The following PKD1L1 variants were observed in gnomAD, a reference collection of about 807,000 sequenced individuals.
The protein encoded by PKD1L1 is polycystin 1 like 1, transient receptor potential channel interacting.
Under a neutral mutation model 323.4 loss-of-function variants are expected in PKD1L1, and 236 were observed. The observed-to-expected ratio is 0.73, with a 90% CI of 0.66 to 0.81. PKD1L1 has a LOEUF of 0.81. PKD1L1 is among the 40% of genes least tolerant of loss of function. The probability of loss-of-function intolerance (pLI) is 0.00; values close to 1 mark genes in which losing one functional copy is unlikely to be tolerated. For missense variants in PKD1L1, 3,320 were observed against 3,508.0 expected (o/e 0.95, Z 1.35); for synonymous variants, 1,344 against 1,335.0 (o/e 1.01, Z -0.15).
Position 47,905,242 on chromosome 7 carries a change from G to A in PKD1L1, c.1606C>T (p.Leu536=), listed in dbSNP as rs765195623. 5.6e-6 allele frequency: 9 copies of A among 1,614,074 alleles called. No individual in the cohort carries two copies. The highest frequency in any genetic ancestry group is 2.7e-5 in the African/African-American group (2 of 75,012). Residue 536 remains leucine (L), a synonymous_variant, in exon 11 of 57, where the codon CTG becomes TTG. Coordinates refer to ENST00000289672, the MANE Select transcript of PKD1L1 (RefSeq NM_138295.5). ...FTAVTKETIP[L]EFEWYFGEDP... ...TCTCCAAAATACCACTCAAATTCCA[G>A]GGGTATTGTTTCCTTGGTAACAGCT...
intron 45 of PKD1L1, among the ~76,000 whole-genome samples, chr7:47,824,685 C>T (rs1785208259): frequency 1.3e-5 from 2 of 152,142 alleles, no homozygotes; most frequent in Admixed American, 1.3e-4. Context: ...ATATTCTTGT[C>T]CCCTTTCATT....
intron 53 of PKD1L1, 122 bp downstream of exon 53, chr7:47,803,087 AG>A: frequency 1.6e-6 from 2 of 1,215,024 alleles, no homozygotes; most frequent in South Asian, 2.9e-5. Context: ...AGGGATTAGA[AG>A]ACTGGAATTC....
At chr7:47,892,453 G>GA (rs1294139539) in intron 15 of PKD1L1, among the ~76,000 whole-genome samples, 1 of 152,184 alleles carries the variant, frequency 6.6e-6, no homozygotes, top group East Asian at 1.9e-4. Flanking sequence ...CTGGCACTGT[G>GA]AGGACGTTGG....
At position 47,831,364 on chromosome 7, in the gene PKD1L1, T is replaced by C. The variant is rs1237591079; in HGVS notation, c.6338-12A>G. The C allele has an allele frequency of 1.4e-5, 22 of 1,606,306 alleles. No homozygotes were observed. The highest frequency in any genetic ancestry group is 1.4e-5 in the Non-Finnish European group (16 of 1,177,126). ...ACCACTGCTGGGTGCTGCGGAAGAG[T>C]AGGACAGAGACAAGGCAGCTTAAGA... On this transcript the variant is annotated splice_polypyrimidine_tract_variant and intron_variant, in intron 41 of 56. Transcript: ENST00000289672.
chr7:47,949,093 G>C (rs1258868961), upstream of PKD1L1, among the ~76,000 whole-genome samples: 1 of 151,974 alleles, frequency 6.6e-6, no homozygotes, highest in African/African-American at 2.4e-5. Context: ...ACTGTTGGCT[G>C]GGCGCGGTGG....
At chr7:47,955,065 C>T in the PKD1L1 span, among the ~76,000 whole-genome samples, 1 of 152,166 alleles carries the variant, frequency 6.6e-6, no homozygotes, top group African/African-American at 2.4e-5. Context: ...ATCTTTTAGC[C>T]TACAACTTAA....
chr7:47,818,916 G>T (rs1013123350), intron 46 of PKD1L1, among the ~76,000 whole-genome samples: 3 of 152,116 alleles, frequency 2.0e-5, no homozygotes, highest in African/African-American at 7.2e-5. Flanking sequence ...TGACTACTCA[G>T]TAGTCCAGTT....
intron 9 of PKD1L1, among the ~76,000 whole-genome samples, chr7:47,906,525 C>T (rs886079241): frequency 6.6e-6 from 1 of 152,066 alleles, no homozygotes; most frequent in Non-Finnish European, 1.5e-5. Flanking sequence ...CTATGACATA[C>T]CACACATGCA....
chr7:47,815,753 C>G (rs1785002868), intron 46 of PKD1L1, among the ~76,000 whole-genome samples: 2 of 152,098 alleles, frequency 1.3e-5, no homozygotes, highest in African/African-American at 4.8e-5. Context: ...CTTCTAGGCA[C>G]TGGGAAACAG....
At chr7:47,960,455 A>AT in the PKD1L1 span, among the ~76,000 whole-genome samples, 3 of 143,958 alleles carry the variant, frequency 2.1e-5, no homozygotes, top group African/African-American at 7.5e-5. Context: ...TAAAGTGATT[A>AT]TTTTTTACAA....
intron 26 of PKD1L1, among the ~76,000 whole-genome samples, chr7:47,861,623 C>G (rs1324273205): frequency 1.3e-5 from 2 of 152,182 alleles, no homozygotes; most frequent in Non-Finnish European, 2.9e-5. Context: ...TGGCTCACGC[C>G]TGTAATCCCA....
At chr7:47,957,652 C>T in the PKD1L1 span, among the ~76,000 whole-genome samples, 1 of 151,970 alleles carries the variant, frequency 6.6e-6, no homozygotes, top group East Asian at 1.9e-4. Flanking sequence ...GGGACCACCA[C>T]ACCTGGCTAA....
At chr7:47,811,081 C>T (rs913374416) in intron 50 of PKD1L1, among the ~76,000 whole-genome samples, 4 of 152,122 alleles carry the variant, frequency 2.6e-5, no homozygotes, top group Non-Finnish European at 5.9e-5. Flanking sequence ...AGAGACCTCG[C>T]CAGAACCTCA....
At chr7:47,902,289 C>G in intron 13 of PKD1L1, 90 bp downstream of exon 13, 1 of 1,506,632 alleles carries the variant, frequency 6.6e-7, no homozygotes, top group Middle Eastern at 2.3e-4. Flanking sequence ...TCGCTTCATG[C>G]CCCAAACTCT....
intron 1 of PKD1L1, among the ~76,000 whole-genome samples, chr7:47,945,377 G>A (rs1788073673): frequency 6.6e-6 from 1 of 152,146 alleles, no homozygotes. Flanking sequence ...CCTGGTTCTT[G>A]ATGCCCAAGA....
Position 47,903,575 on chromosome 7 carries a change from G to T in PKD1L1, c.1931+803C>A, listed in dbSNP as rs535737128. On this transcript the variant is annotated intron_variant, in intron 12 of 56. Transcript: ENST00000289672. The stretch of plus-strand genomic sequence containing the variant: ...GGGGCCATTCAGTCCCCACCAAAGC[G>T]TGGAGAGGCTGCAGTGTGGGTTCTC... 2.0e-5 allele frequency among the ~76,000 whole-genome samples: 3 copies of T among 152,354 alleles called. No individual in the cohort carries two copies. The East Asian group carries it at 5.8e-4, about 29-fold the overall frequency.
chr7:47,827,116 T>A (rs1785252477), intron 45 of PKD1L1, among the ~76,000 whole-genome samples: 1 of 152,188 alleles, frequency 6.6e-6, no homozygotes, highest in Admixed American at 6.5e-5. Context: ...ATGGGCAAAT[T>A]GTGGAACTGA....
intron 4 of PKD1L1, among the ~76,000 whole-genome samples, chr7:47,934,282 G>A (rs1445455126): frequency 6.6e-6 from 1 of 151,930 alleles, no homozygotes; most frequent in African/African-American, 2.4e-5. Context: ...GCCTGACACT[G>A]TGGAAAAACA....
Position 47,800,873 on chromosome 7 carries a change from C to T in PKD1L1, c.7969G>A (p.Gly2657Arg). ...LPSIFVAGLV[G>R]ALMLAALSHL... ...GAGAGGGCGGCCAGCATCAGTGCCC[C>T]CACCAGCTGCAGAAAGAAAATCCAG... Residue 2657 changes from glycine (G) to arginine (R), a missense_variant, in exon 54 of 57, where the codon GGG (glycine) becomes AGG (arginine). Gly to Arg is a moderately radical substitution (Grantham distance 125, BLOSUM62 -2). Transcript: ENST00000289672. 2 of 1,613,668 alleles carry T rather than the reference C, an allele frequency of 1.2e-6. No homozygotes were observed. Among genetic ancestry groups the T allele is most frequent in the East Asian group, 2.2e-5 (1 of 44,876 alleles).
Sources: gnomAD v4.1 joint callset for allele counts (sites outside exome capture counted in the v4.1 genomes callset) on GRCh38, gnomAD v4.1.1 for gene constraint, MANE v1.5 for transcripts, NCBI Gene and HGNC (gene_info 2026-07-23, HGNC 2026-07-21) for gene names.